ATRNL1: variants seen among roughly 807,000 people sequenced by gnomAD.
The protein encoded by ATRNL1 is attractin like 1.
ATRNL1 carries 95 observed loss-of-function variants against 182.7 expected under a neutral mutation model. The ratio of observed to expected loss-of-function variants is 0.52; its 90% CI spans 0.44 to 0.62. ATRNL1 has a LOEUF of 0.62. Among genes scored for constraint, ATRNL1 ranks in the 20% least tolerant of loss-of-function variants. The pLI is 0.00. For synonymous variants in ATRNL1, 576 were observed against 568.3 expected (o/e 1.01, Z -0.19); for missense variants, 1,471 against 1,679.5 (o/e 0.88, Z 2.17).
intron 19 of ATRNL1, among the ~76,000 whole-genome samples, chr10:115,383,558 G>T (rs1554951784): frequency 6.6e-6 from 1 of 151,844 alleles, no homozygotes. Context: ...TAATATCAAT[G>T]AAAAATTTCC....
intron 28 of ATRNL1, among the ~76,000 whole-genome samples, chr10:115,912,227 G>T (rs17354863): frequency 0.021 from 3,267 of 152,192 alleles, 62 homozygotes; most frequent in Non-Finnish European, 0.033. Context: ...TATAGGAAAA[G>T]CTCACAGAAA....
At chr10:115,929,006 T>C (rs963652693) in intron 28 of ATRNL1, among the ~76,000 whole-genome samples, 9 of 152,056 alleles carry the variant, frequency 5.9e-5, no homozygotes, top group African/African-American at 2.2e-4. Context: ...TCTTCTTTAG[T>C]GTTCACTATT....
chr10:115,268,563 A>G, intron 13 of ATRNL1, 119 bp downstream of exon 13: 1 of 673,362 alleles, frequency 1.5e-6, no homozygotes, highest in Non-Finnish European at 2.7e-6. Context: ...ACATTTAGAA[A>G]GTATATAGGG....
intron 26 of ATRNL1, among the ~76,000 whole-genome samples, chr10:115,584,632 T>C (rs1319839953): frequency 6.6e-6 from 1 of 150,602 alleles, no homozygotes; most frequent in African/African-American, 2.4e-5. Flanking sequence ...TATTTGATTC[T>C]TCTCTCTTTT....
intron 26 of ATRNL1, among the ~76,000 whole-genome samples, chr10:115,694,941 GCA>G (rs10580753): frequency 0.088 from 12,741 of 144,744 alleles, 1,194 homozygotes; most frequent in African/African-American, 0.23. Context: ...ATGCACACAC[GCA>G]CACACACACA....
At chr10:115,640,222 G>A (rs1387230232) in intron 26 of ATRNL1, among the ~76,000 whole-genome samples, 9 of 152,158 alleles carry the variant, frequency 5.9e-5, no homozygotes, top group East Asian at 1.9e-4. Flanking sequence ...TGTGAATAGC[G>A]CTGCAATAAA....
chr10:115,709,754 A>T (rs1346122543), intron 26 of ATRNL1, among the ~76,000 whole-genome samples: 3 of 152,036 alleles, frequency 2.0e-5, no homozygotes, highest in Non-Finnish European at 4.4e-5. Context: ...TTATTTAATT[A>T]TCACAATGTT....
intron 13 of ATRNL1, among the ~76,000 whole-genome samples, chr10:115,279,696 T>G (rs781974044): frequency 2.6e-5 from 4 of 152,198 alleles, no homozygotes; most frequent in Admixed American, 6.5e-5. Flanking sequence ...GATGCCTGTT[T>G]AGGGATACTT....
intron 26 of ATRNL1, among the ~76,000 whole-genome samples, chr10:115,591,730 A>G (rs1418620423): frequency 6.6e-6 from 1 of 152,172 alleles, no homozygotes; most frequent in African/African-American, 2.4e-5. Flanking sequence ...TTTGGTGGGA[A>G]TCTCACTTAT....
intron 26 of ATRNL1, among the ~76,000 whole-genome samples, chr10:115,585,885 C>G (rs1855478383): frequency 2.4e-5 from 1 of 42,114 alleles, no homozygotes; most frequent in Admixed American, 2.2e-4. Context: ...TTTGCAGCGG[C>G]TGGTACCGGT....
chr10:115,386,175 C>T (rs1241701170), intron 19 of ATRNL1, among the ~76,000 whole-genome samples: 2 of 152,008 alleles, frequency 1.3e-5, no homozygotes, highest in Non-Finnish European at 2.9e-5. Context: ...ACGTAATTTT[C>T]TAATTCATGT....
At position 115,207,188 on chromosome 10, in the gene ATRNL1, C is replaced by T. The variant is rs529862226; in HGVS notation, c.1349-8509C>T. On this transcript the variant is annotated intron_variant, in intron 8 of 28. Transcript: ENST00000355044. Reference sequence around the variant, plus strand: ...CTTTATAGTAGCATGATTTATAATCCTTTGGGTATATACCCAGTAATGGGA... The same window carrying T: ...CTTTATAGTAGCATGATTTATAATCTTTTGGGTATATACCCAGTAATGGGA... 4.4e-3 allele frequency among the ~76,000 whole-genome samples: 672 copies of T among 152,162 alleles called. 3 individuals carry two copies. The highest frequency in any genetic ancestry group is 7.5e-3 in the Non-Finnish European group (508 of 68,004).
chr10:115,170,904 A>AAAGT, intron 7 of ATRNL1, 133 bp from the exon 8 acceptor site: 1 of 459,452 alleles, frequency 2.2e-6, no homozygotes, highest in Non-Finnish European at 3.5e-6. Context: ...TACTTTTTAC[A>AAAGT]AATGAGAACA....
chr10:115,359,603 C>T (rs2134151420), intron 19 of ATRNL1, among the ~76,000 whole-genome samples: 1 of 151,490 alleles, frequency 6.6e-6, no homozygotes, highest in Admixed American at 6.6e-5. Context: ...GATGATTTCC[C>T]ATTCTCATAA....
At chr10:115,563,961 A>T (rs1853919401) in intron 26 of ATRNL1, among the ~76,000 whole-genome samples, 1 of 152,088 alleles carries the variant, frequency 6.6e-6, no homozygotes, top group Non-Finnish European at 1.5e-5. Context: ...TTAGATAAGT[A>T]ATTCTGTTCT....
intron 3 of ATRNL1, among the ~76,000 whole-genome samples, chr10:115,122,380 G>A (rs1166931460): frequency 1.3e-5 from 2 of 151,602 alleles, no homozygotes; most frequent in Non-Finnish European, 3.0e-5. Flanking sequence ...CTTTTCTTGT[G>A]TATGTTTAGA....
intron 19 of ATRNL1, among the ~76,000 whole-genome samples, chr10:115,375,812 G>T (rs1554949362): frequency 6.6e-6 from 1 of 151,862 alleles, no homozygotes; most frequent in Non-Finnish European, 1.5e-5. Context: ...TATGACTATA[G>T]ATACTTCATT....
chr10:115,946,626 G>T lies in ATRNL1; in HGVS notation c.*1847G>T, dbSNP rs1044501661. ...GTTTTTTTGGAGGGGGAGGCCACTG[G>T]TTGTTTCTACTTCCCTGTGATATTT... On this transcript the variant is annotated 3_prime_UTR_variant, in exon 29 of 29. Transcript: ENST00000355044. 6.6e-6 allele frequency: 1 copy of T among 152,004 alleles called. No individual in the cohort carries two copies. The highest frequency in any genetic ancestry group is 2.4e-5 in the African/African-American group (1 of 41,386). The allele number at this position is 152,004 out of a possible 1,614,324, so 9.4% of individuals were successfully genotyped here.
intron 28 of ATRNL1, among the ~76,000 whole-genome samples, chr10:115,924,765 G>A (rs1325399521): frequency 1.3e-5 from 2 of 152,156 alleles, no homozygotes; most frequent in Non-Finnish European, 2.9e-5. Context: ...ATCTAAAGTA[G>A]TTTTTTCTAA....
Sources: allele counts gnomAD v4.1 joint callset (sites outside exome capture counted in the v4.1 genomes callset), GRCh38; gene constraint gnomAD v4.1.1; transcripts MANE v1.5; gene names NCBI Gene and HGNC (gene_info 2026-07-23, HGNC 2026-07-21).